Variants in SGCD observed in about 807,000 individuals in gnomAD.
SGCD encodes the protein delta-sarcoglycan.
Under a neutral mutation model 36.6 loss-of-function variants are expected in SGCD, and 18 were observed. The observed-to-expected ratio is 0.49, with a 90% confidence interval of 0.34 to 0.73. The LOEUF (loss-of-function observed/expected upper bound fraction) is 0.73. SGCD is among the 30% of genes least tolerant of loss of function. SGCD has a pLI of 0.01. For missense variants in SGCD, 387 were observed against 346.7 expected, an observed-to-expected ratio of 1.12 and a Z score of -0.92; for synonymous variants, 133 against 130.6, an observed-to-expected ratio of 1.02 and a Z score of -0.12.
intron 1 of SGCD, among the ~76,000 whole-genome samples, chr5:155,995,645 A>G (rs1758525585): frequency 6.6e-6 from 1 of 152,242 alleles, no homozygotes; most frequent in Non-Finnish European, 1.5e-5. Context: ...GAAAATGGAT[A>G]AACAAGTTGT....
At chr5:156,740,686 T>C (rs971674094) in intron 7 of SGCD, among the ~76,000 whole-genome samples, 26 of 152,336 alleles carry the variant, frequency 1.7e-4, no homozygotes, top group African/African-American at 5.5e-4. Flanking sequence ...GGATTCCCTA[T>C]TCACATTTGA....
intron 3 of SGCD, among the ~76,000 whole-genome samples, chr5:156,244,628 G>A (rs1183844814): frequency 1.3e-5 from 2 of 152,082 alleles, no homozygotes; most frequent in African/African-American, 2.4e-5. Flanking sequence ...TTAAGTTTGA[G>A]ATTGTCTCAT....
At chr5:155,823,098 CT>C in the SGCD span, among the ~76,000 whole-genome samples, 42 of 151,808 alleles carry the variant, frequency 2.8e-4, no homozygotes, top group Admixed American at 7.9e-4. Flanking sequence ...ATCTATCTAT[CT>C]ATCTATCTAT....
chr5:156,607,905 T>C (rs888814295), intron 6 of SGCD, among the ~76,000 whole-genome samples: 1 of 152,208 alleles, frequency 6.6e-6, no homozygotes, highest in African/African-American at 2.4e-5. Flanking sequence ...CCTTTATCAT[T>C]TTTTATTGCG....
chr5:156,263,638 T>G (rs984657676), intron 3 of SGCD, among the ~76,000 whole-genome samples: 3 of 152,186 alleles, frequency 2.0e-5, no homozygotes, highest in Non-Finnish European at 2.9e-5. Flanking sequence ...GCATTTGCTT[T>G]TGGATTTTTG....
intron 3 of SGCD, among the ~76,000 whole-genome samples, chr5:156,211,919 T>C (rs1394643284): frequency 6.6e-6 from 1 of 152,144 alleles, no homozygotes; most frequent in Non-Finnish European, 1.5e-5. Context: ...GTGGTCAAAG[T>C]TAATTTGTTA....
chr5:156,372,696 C>T (rs1770449191), intron 3 of SGCD, among the ~76,000 whole-genome samples: 1 of 152,072 alleles, frequency 6.6e-6, no homozygotes, highest in Non-Finnish European at 1.5e-5. Context: ...AGCTAGTTAC[C>T]TTGGAACAGT....
chr5:156,441,426 T>A (rs185614532), intron 3 of SGCD, among the ~76,000 whole-genome samples: 1 of 152,300 alleles, frequency 6.6e-6, no homozygotes, highest in African/African-American at 2.4e-5. Context: ...ATATCACATG[T>A]GATACGTAGT....
At chr5:156,757,793 T>C in intron 8 of SGCD, 89 bp downstream of exon 8, 1 of 1,473,368 alleles carries the variant, frequency 6.8e-7, no homozygotes, top group Non-Finnish European at 9.0e-7. Context: ...AGTTGGATCC[T>C]ACAGTGTATC....
chr5:156,524,367 C>A (rs1437939465), intron 4 of SGCD, among the ~76,000 whole-genome samples: 1 of 147,524 alleles, frequency 6.8e-6, no homozygotes, highest in East Asian at 2.0e-4. Context: ...CTCCTCTTTA[C>A]CATTCCTTAC....
At chr5:156,190,222 G>C (rs771624901) in intron 3 of SGCD, among the ~76,000 whole-genome samples, 30 of 152,114 alleles carry the variant, frequency 2.0e-4, no homozygotes, top group Non-Finnish European at 3.7e-4. Context: ...TCCATACTCA[G>C]GCTCAGCCAG....
At position 156,594,960 on chromosome 5, in the gene SGCD, A is replaced by C; in HGVS notation, c.411A>C (p.Lys137Asn). 6.2e-7 allele frequency: 1 copy of C among 1,611,476 alleles called. No individual in the cohort carries two copies. Among genetic ancestry groups the C allele is most frequent in the Non-Finnish European group, 8.5e-7 (1 of 1,178,388 alleles). Residue 137 changes from lysine (K) to asparagine (N), a missense_variant, in exon 6 of 9, where the codon AAA becomes AAC. Lys to Asn is a moderately conservative substitution (Grantham distance 94, BLOSUM62 0). Transcript: ENST00000337851. Reference sequence around the variant, plus strand: ...CAAAAGCCGTAGAAGCTTATGGTAAAAAATTTGAGGTAAAAACTGTTTCTG... The same window carrying C: ...CAAAAGCCGTAGAAGCTTATGGTAACAAATTTGAGGTAAAAACTGTTTCTG... ...TGPKAVEAYG[K>N]KFEVKTVSGK...
intron 1 of SGCD, among the ~76,000 whole-genome samples, chr5:155,882,596 C>T (rs887257387): frequency 1.3e-5 from 2 of 152,198 alleles, no homozygotes; most frequent in African/African-American, 4.8e-5. Flanking sequence ...TCTCCTTGTA[C>T]ATCCCCATCA....
chr5:156,147,216 AG>A (rs1315462185), intron 3 of SGCD, among the ~76,000 whole-genome samples: 1 of 152,234 alleles, frequency 6.6e-6, no homozygotes, highest in Non-Finnish European at 1.5e-5. Context: ...TAAGATGTAT[AG>A]GTCTTAGGTT....
At chr5:155,905,288 G>C (rs1756480046) in intron 1 of SGCD, among the ~76,000 whole-genome samples, 1 of 152,188 alleles carries the variant, frequency 6.6e-6, no homozygotes, top group African/African-American at 2.4e-5. Context: ...GATAGGGAGA[G>C]AGCCAGATTT....
chr5:156,369,483 T>C (rs1277021551), intron 3 of SGCD, among the ~76,000 whole-genome samples: 1 of 152,210 alleles, frequency 6.6e-6, no homozygotes, highest in East Asian at 1.9e-4. Flanking sequence ...AGCAGAAGTG[T>C]ATTATTAGAC....
intron 3 of SGCD, among the ~76,000 whole-genome samples, chr5:156,501,399 C>T (rs765428051): frequency 6.6e-6 from 1 of 152,300 alleles, no homozygotes; most frequent in Admixed American, 6.5e-5. Context: ...GGGAAGGAGA[C>T]AAGAGGAAGA....
chr5:156,126,688 T>C (rs1441313735), intron 3 of SGCD, among the ~76,000 whole-genome samples: 4 of 152,210 alleles, frequency 2.6e-5, no homozygotes, highest in Non-Finnish European at 4.4e-5. Context: ...ATTTTTCAGA[T>C]GTCTTTTCAA....
At chr5:156,391,494 A>T (rs376289931) in intron 3 of SGCD, among the ~76,000 whole-genome samples, 1 of 152,222 alleles carries the variant, frequency 6.6e-6, no homozygotes, top group African/African-American at 2.4e-5. Context: ...AAGAAAAAGG[A>T]TAGTTGCATC....
Sources: gnomAD v4.1 joint callset for allele counts (sites outside exome capture counted in the v4.1 genomes callset) on GRCh38, gnomAD v4.1.1 for gene constraint, MANE v1.5 for transcripts, NCBI Gene and HGNC (gene_info 2026-07-23, HGNC 2026-07-21) for gene names.